Variants in CCDC85A observed in about 807,000 individuals in gnomAD.
CCDC85A encodes the protein coiled-coil domain-containing protein 85A.
In CCDC85A, 38 loss-of-function variants were observed where a neutral mutation model predicts 50.2. That is an observed-to-expected ratio of 0.76 (90% CI 0.58 to 0.99). The LOEUF is 0.99. Among genes scored for constraint, CCDC85A ranks in the 50% least tolerant of loss-of-function variants. The pLI is 0.00. For missense variants in CCDC85A, 820 were observed against 742.0 expected, an observed-to-expected ratio of 1.11 and a Z score of -1.22; for synonymous variants, 366 against 301.4, an observed-to-expected ratio of 1.21 and a Z score of -2.22.
At chr2:56,253,707 A>C (rs113692246) in intron 2 of CCDC85A, among the ~76,000 whole-genome samples, 1 of 152,206 alleles carries the variant, frequency 6.6e-6, no homozygotes, top group Non-Finnish European at 1.5e-5. Context: ...GAGTGGATTC[A>C]AGAGATGTTT....
At chr2:56,265,406 C>G (rs1670395067) in intron 2 of CCDC85A, among the ~76,000 whole-genome samples, 1 of 117,996 alleles carries the variant, frequency 8.5e-6, no homozygotes, top group African/African-American at 3.0e-5. Flanking sequence ...ACAAATAACC[C>G]TATTTTAAAA....
chr2:56,271,739 G>A (rs1353329390), intron 2 of CCDC85A, among the ~76,000 whole-genome samples: 1 of 152,156 alleles, frequency 6.6e-6, no homozygotes, highest in African/African-American at 2.4e-5. Flanking sequence ...CATTTCCTCT[G>A]TTTTTGAGCA....
Position 56,249,899 on chromosome 2 carries a change from A to G in CCDC85A, c.1240+56459A>G, listed in dbSNP as rs113052362. The stretch of plus-strand genomic sequence containing the variant: ...ATTTTCTGTGTCCCATTAAAATTTA[A>G]TTTGCTGTAACATTGCCAGGCCCTG... On this transcript the variant is annotated intron_variant, in intron 2 of 5. Coordinates refer to ENST00000407595, the MANE Select transcript of CCDC85A (RefSeq NM_001080433.2). Among the ~76,000 whole-genome samples, 290 of 152,246 alleles carry G rather than the reference A, an allele frequency of 1.9e-3. 1 individual carries two copies. The highest frequency in any genetic ancestry group is 6.2e-3 in the African/African-American group (257 of 41,554).
Position 56,193,271 on chromosome 2 carries a change from C to T in CCDC85A, c.1071C>T (p.Thr357=). Residue 357 remains threonine (T), a synonymous_variant, in exon 2 of 6, where the codon ACC becomes ACT. Transcript: ENST00000407595. ...SLEHLPRARG[T]SPEHLKQHYG... is the part of the protein sequence containing the mutation. ...AGCATCTCCCCAGAGCCAGGGGCAC[C>T]AGCCCGGAGCACCTCAAACAACATT... 3 of 1,613,454 alleles carry T rather than the reference C, an allele frequency of 1.9e-6. No individual in the cohort carries two copies. The highest frequency in any genetic ancestry group is 1.7e-6 in the Non-Finnish European group (2 of 1,179,726).
intron 2 of CCDC85A, among the ~76,000 whole-genome samples, chr2:56,198,378 G>A (rs193242182): frequency 2.8e-4 from 42 of 152,330 alleles, no homozygotes; most frequent in Non-Finnish European, 4.6e-4. Flanking sequence ...GGCCCTCTGT[G>A]TGTATTTCTG....
At chr2:56,314,846 G>T (rs1235715900) in intron 2 of CCDC85A, among the ~76,000 whole-genome samples, 1 of 152,040 alleles carries the variant, frequency 6.6e-6, no homozygotes, top group Non-Finnish European at 1.5e-5. Context: ...TAGTATAGAC[G>T]CTACTGCTGT....
At chr2:56,362,451 T>C (rs78028689) in intron 3 of CCDC85A, among the ~76,000 whole-genome samples, 2,879 of 151,970 alleles carry the variant, frequency 0.019, 64 homozygotes, top group African/African-American at 0.051. Flanking sequence ...ACTATGGGAC[T>C]GAATGGGAAC....
chr2:56,261,864 C>T (rs900349763), intron 2 of CCDC85A, among the ~76,000 whole-genome samples: 1 of 152,154 alleles, frequency 6.6e-6, no homozygotes, highest in Non-Finnish European at 1.5e-5. Flanking sequence ...ATCCTTCACT[C>T]ATGCACTTTA....
At chr2:56,310,321 C>G (rs1214117751) in intron 2 of CCDC85A, among the ~76,000 whole-genome samples, 2 of 152,138 alleles carry the variant, frequency 1.3e-5, no homozygotes, top group African/African-American at 4.8e-5. Flanking sequence ...ACTGACAGGA[C>G]CAGCTTAGGA....
intron 2 of CCDC85A, among the ~76,000 whole-genome samples, chr2:56,328,744 CTATA>C (rs1241856047): frequency 6.6e-6 from 1 of 152,098 alleles, no homozygotes; most frequent in Non-Finnish European, 1.5e-5. Flanking sequence ...CACATCTACA[CTATA>C]TGTATGTTTT....
intron 2 of CCDC85A, among the ~76,000 whole-genome samples, chr2:56,292,021 G>T (rs1671733602): frequency 6.6e-6 from 1 of 152,164 alleles, no homozygotes; most frequent in African/African-American, 2.4e-5. Context: ...TAAAACAAAT[G>T]CCTGAGTTAA....
intron 3 of CCDC85A, among the ~76,000 whole-genome samples, chr2:56,364,033 G>A (rs879062741): frequency 1.3e-5 from 2 of 152,160 alleles, no homozygotes; most frequent in African/African-American, 2.4e-5. Context: ...AGGAATTTCA[G>A]TGTTTCTCAC....
At chr2:56,277,694 A>G (rs752367981) in intron 2 of CCDC85A, among the ~76,000 whole-genome samples, 26 of 152,198 alleles carry the variant, frequency 1.7e-4, no homozygotes, top group Non-Finnish European at 3.7e-4. Context: ...TGTATAAGGC[A>G]CTCTGCCCAG....
rs148202422 is a variant in CCDC85A, at chr2:56,295,045, C to T, written c.1241-47834C>T. On this transcript the variant is annotated intron_variant, in intron 2 of 5. Coordinates refer to ENST00000407595, the MANE Select transcript of CCDC85A (RefSeq NM_001080433.2). ...AAGAATCAAAACATTGTGTTTATGG[C>T]ATCCAGATTGCTGAAGAAGTTTGTC... is the stretch of plus-strand genomic sequence containing the variant. Among the ~76,000 whole-genome samples, 609 of 152,270 alleles carry T rather than the reference C, an allele frequency of 4.0e-3. 11 individuals are homozygous for T. The highest frequency in any genetic ancestry group is 0.03 in the Admixed American group (465 of 15,288).
intron 5 of CCDC85A, among the ~76,000 whole-genome samples, chr2:56,380,414 G>A (rs1676526412): frequency 6.6e-6 from 1 of 151,942 alleles, no homozygotes; most frequent in Non-Finnish European, 1.5e-5. Context: ...AGATAGTTAG[G>A]CCAGGCACAG....
intron 2 of CCDC85A, among the ~76,000 whole-genome samples, chr2:56,290,067 G>C (rs1377948950): frequency 6.6e-6 from 1 of 152,066 alleles, no homozygotes; most frequent in African/African-American, 2.4e-5. Flanking sequence ...ACAGTCTGCT[G>C]CTCTGCTCTG....
chr2:56,365,656 T>C (rs2104378825), intron 3 of CCDC85A, among the ~76,000 whole-genome samples: 1 of 152,352 alleles, frequency 6.6e-6, no homozygotes, highest in Non-Finnish European at 1.5e-5. Flanking sequence ...TAGATAAAAT[T>C]ACATCTTTAC....
chr2:56,384,490 C>CAAGTTT lies in CCDC85A; in HGVS notation c.*135_*136insAAGTTT. 1.5e-6 allele frequency: 1 copy of CAAGTTT among 665,738 alleles called. No individual in the cohort carries two copies. Among genetic ancestry groups the CAAGTTT allele is most frequent in the South Asian group, 1.9e-5 (1 of 53,010 alleles). The allele number at this position is 665,738 out of a possible 1,614,324, so 41.2% of individuals were successfully genotyped here. ...AGTGATTGTACATTGCACATATCTC[C>CAAGTTT]CCTCTAAAACCTGTAGTACAACTTC... On this transcript the variant is annotated 3_prime_UTR_variant, in exon 6 of 6. Transcript: ENST00000407595.
chr2:56,377,091 A>G (rs1002876165), intron 5 of CCDC85A, among the ~76,000 whole-genome samples: 1 of 152,236 alleles, frequency 6.6e-6, no homozygotes, highest in African/African-American at 2.4e-5. Context: ...TCCTAAACAT[A>G]TACTGATTAT....
Sources: gnomAD v4.1 joint callset for allele counts (sites outside exome capture counted in the v4.1 genomes callset) on GRCh38, gnomAD v4.1.1 for gene constraint, MANE v1.5 for transcripts, NCBI Gene and HGNC (gene_info 2026-07-23, HGNC 2026-07-21) for gene names.